The following SPTBN2 variants were observed in gnomAD, a reference collection of about 807,000 sequenced individuals.
SPTBN2 encodes spectrin beta, non-erythrocytic 2.
A neutral mutation model predicts 284.2 loss-of-function variants in SPTBN2; 107 were observed. The ratio of observed to expected loss-of-function variants is 0.38; its 90% CI spans 0.32 to 0.44. The LOEUF (loss-of-function observed/expected upper bound fraction) is 0.44. Among genes scored for constraint, SPTBN2 ranks in the 20% least tolerant of loss-of-function variants. SPTBN2 has a pLI of 1.00. For missense variants in SPTBN2, 2,569 were observed against 3,287.1 expected, an observed-to-expected ratio of 0.78 and a Z score of 5.34; for synonymous variants, 1,289 against 1,354.8, an observed-to-expected ratio of 0.95 and a Z score of 1.07.
intron 3 of SPTBN2, among the ~76,000 whole-genome samples, chr11:66,720,521 C>A (rs1942346802): frequency 6.6e-6 from 1 of 152,178 alleles, no homozygotes; most frequent in South Asian, 2.1e-4. Context: ...GGAGCCAAGG[C>A]AGGCAGAGAG....
chr11:66,701,718 G>C lies in SPTBN2; in HGVS notation c.2682C>G (p.Phe894Leu). 1 of 1,614,044 alleles carries C rather than the reference G, an allele frequency of 6.2e-7. No homozygotes were observed. Among genetic ancestry groups the C allele is most frequent in the Non-Finnish European group, 8.5e-7 (1 of 1,180,022 alleles). The change falls in exon 16 of 38, where the codon TTC becomes TTG. Residue 894 changes from phenylalanine to leucine, a missense_variant. Physicochemically the swap from Phe to Leu is conservative, Grantham distance 22 (BLOSUM62 0). Around this residue, in one of 6 missense-constraint regions of SPTBN2, gnomAD observed 1,012 missense variants for 1,248.9 expected, o/e 0.81. Coordinates refer to ENST00000533211, the MANE Select transcript of SPTBN2 (RefSeq NM_006946.4). Reference protein sequence around the residue: ...LEDLEVVQQRFETLEPEMNTL... With the variant: ...LEDLEVVQQRLETLEPEMNTL... Reference sequence around the variant, plus strand: ...TGTTCATTTCAGGCTCCAGGGTCTCGAACCTGAGAGGGTGGAAGAGCCAGG... The same window carrying C: ...TGTTCATTTCAGGCTCCAGGGTCTCCAACCTGAGAGGGTGGAAGAGCCAGG...
chr11:66,688,510 G>T, intron 31 of SPTBN2, 143 bp downstream of exon 31: 1 of 1,453,856 alleles, frequency 6.9e-7, no homozygotes, highest in Non-Finnish European at 9.3e-7. Flanking sequence ...CCTCCTAAAG[G>T]TGTGGTGACA....
rs776135148 is a variant in SPTBN2 at position 66,693,248 on chromosome 11, C to T, written c.4792G>A (p.Ala1598Thr). 1.9e-6 allele frequency: 3 copies of T among 1,614,056 alleles called. No individual in the cohort carries two copies. The highest frequency in any genetic ancestry group is 2.5e-6 in the Non-Finnish European group (3 of 1,180,048). ...LRAQQFYRDA[A>T]EAEAWMGEQE... Reference sequence around the variant, plus strand: ...TCGCCCATCCAGGCCTCCGCCTCGGCGGCATCGCGGTAGAACTGCTGGGCT... The same window carrying T: ...TCGCCCATCCAGGCCTCCGCCTCGGTGGCATCGCGGTAGAACTGCTGGGCT... Residue 1598 changes from alanine to threonine, a missense_variant, in exon 24 of 38, where the codon GCC becomes ACC. Ala to Thr is a moderately conservative substitution (Grantham distance 58). Transcript: ENST00000533211. This position sits in a 1 kb window ranked among gnomAD's most constrained non-coding sequence, Gnocchi z 5.7.
Position 66,708,634 on chromosome 11 carries a change from TA to T in SPTBN2, c.1191+267del, listed in dbSNP as rs1407700933. 6.6e-6 allele frequency among the ~76,000 whole-genome samples: 1 copy of T among 152,214 alleles called. No homozygotes were observed. Among genetic ancestry groups the T allele is most frequent in the African/African-American group, 2.4e-5 (1 of 41,448 alleles). On this transcript the variant is annotated intron_variant, in intron 11 of 37. Transcript: ENST00000533211. This position sits in a 1 kb window ranked among gnomAD's most constrained non-coding sequence, Gnocchi z 4.4. ...AGGGATAGTGAGTTGGGGACAGGTT[TA>T]ACAAGCTGAGGAACTTGGGGCATAA...
At chr11:66,719,030 G>A (rs1942274791) in intron 3 of SPTBN2, among the ~76,000 whole-genome samples, 1 of 152,246 alleles carries the variant, frequency 6.6e-6, no homozygotes, top group Non-Finnish European at 1.5e-5. Context: ...GCAAACTCCT[G>A]TTTCCCAGAG....
chr11:66,701,615 T>C lies in SPTBN2; in HGVS notation c.2785A>G (p.Ile929Val), dbSNP rs1452131831. ...TTGAGCTGCTCCTGGGTGTTGACAA[T>C]GCGGTCTTTGCCTGGGGGGTTGGCC... ...LKANPPGKDR[I>V]VNTQEQLNHR... The change falls in exon 16 of 38, where the codon ATT becomes GTT. Residue 929 changes from isoleucine to valine, a missense_variant. Ile to Val is a conservative substitution (Grantham distance 29). Transcript: ENST00000533211. 6 of 1,614,008 alleles carry C rather than the reference T, an allele frequency of 3.7e-6. No homozygotes were observed. The highest frequency in any genetic ancestry group is 1.3e-5 in the African/African-American group (1 of 74,910).
Position 66,689,150 on chromosome 11 carries a change from G to A in SPTBN2, c.5980C>T (p.Arg1994Trp), listed in dbSNP as rs140000699. Residue 1994 changes from arginine to tryptophan, a missense_variant, in exon 30 of 38, where the codon CGG becomes TGG. Coordinates refer to ENST00000533211, the MANE Select transcript of SPTBN2 (RefSeq NM_006946.4). The stretch of plus-strand genomic sequence containing the variant: ...CACTTCTCAGCTGTCTCCTGGCGCC[G>A]TGCCTGCAGCTGAGACAGCTTCTCT... ...ISEKLSQLQA[R>W]RQETAEKWQE... 3.0e-4 allele frequency: 480 copies of A among 1,609,648 alleles called. No individual in the cohort carries two copies. The African/African-American group carries it at 4.0e-3, about 13-fold the overall frequency.
rs1554977664 is a variant in SPTBN2, at chr11:66,690,127, C to T, written c.5722G>A (p.Asp1908Asn). The change falls in exon 28 of 38, where the codon GAC (aspartate) becomes AAC (asparagine). Residue 1908 changes from aspartate to asparagine, a missense_variant. Asp to Asn is a conservative substitution (Grantham distance 23). Transcript: ENST00000533211. ...ARRQLLLDTTDKFRFFKAVRE... is the reference protein window; with the variant it reads ...ARRQLLLDTTNKFRFFKAVRE... ...ACAGCCTTGAAGAAGCGGAACTTGTCTGTGGTGTCCAGCAGCAGCTGCCGG... is the reference window on the plus strand; with the variant it reads ...ACAGCCTTGAAGAAGCGGAACTTGTTTGTGGTGTCCAGCAGCAGCTGCCGG... 1.2e-6 allele frequency: 2 copies of T among 1,614,258 alleles called. No homozygotes were observed. Among genetic ancestry groups the T allele is most frequent in the Admixed American group, 3.3e-5 (2 of 60,028 alleles).
chr11:66,722,555 G>A (rs1431691643), intron 1 of SPTBN2, among the ~76,000 whole-genome samples: 33 of 140,170 alleles, frequency 2.4e-4, no homozygotes, highest in East Asian at 2.1e-3. Flanking sequence ...CAGCCTGGGC[G>A]GCAGAATGAG....
intron 1 of SPTBN2, among the ~76,000 whole-genome samples, chr11:66,740,138 G>A (rs1363733649): frequency 6.6e-6 from 1 of 152,204 alleles, no homozygotes; most frequent in Non-Finnish European, 1.5e-5. Flanking sequence ...GAAATCTCCT[G>A]GGCTGGCCCA....
At chr11:66,702,660 C>T (rs1463362976) in intron 15 of SPTBN2, among the ~76,000 whole-genome samples, 3 of 151,174 alleles carry the variant, frequency 2.0e-5, no homozygotes, top group Non-Finnish European at 2.9e-5. Flanking sequence ...ATTTACAGAC[C>T]GGGCATGGTG....
In SPTBN2 at chr11:66,684,864, G is replaced by A. The variant is rs1940010802; in HGVS notation, c.*1007C>T. On this transcript the variant is annotated 3_prime_UTR_variant, in exon 38 of 38. Transcript: ENST00000533211. ...GCTCAGCTTTCCACCACTGGGCTGA[G>A]CAGTGGCTGAGACTGGCTGGGGCTG... Among the ~76,000 whole-genome samples the A allele has an allele frequency of 6.6e-6, 1 of 152,146 alleles. No homozygotes were observed. Among genetic ancestry groups the A allele is most frequent in the African/African-American group, 2.4e-5 (1 of 41,422 alleles).
chr11:66,691,610 C>T lies in SPTBN2; in HGVS notation c.5239G>A (p.Gly1747Ser), dbSNP rs745723069. ...TTGGCGCTATCTACGCGCTCCTGAC[C>T]GATGGTGCTTGTGTCCCGGGAGAAC... ...REFSRDTSTIGQERVDSANAL... is the reference protein window; with the variant it reads ...REFSRDTSTISQERVDSANAL... The change falls in exon 27 of 38, where the codon GGT becomes AGT. Residue 1747 changes from glycine to serine, a missense_variant. Around this residue, in one of 6 missense-constraint regions of SPTBN2, gnomAD observed 1,130 missense variants for 1,317.3 expected, o/e 0.86. Transcript: ENST00000533211. The surrounding 1 kb of genome is among the most constrained non-coding windows in gnomAD (Gnocchi z 8.0). 9 of 1,613,860 alleles carry T rather than the reference C, an allele frequency of 5.6e-6. No homozygotes were observed. The highest frequency in any genetic ancestry group is 4.5e-5 in the East Asian group (2 of 44,886).
Position 66,718,264 on chromosome 11 carries a change from C to A in SPTBN2, c.158-2283G>T, listed in dbSNP as rs1942233878. Among the ~76,000 whole-genome samples, 1 of 152,234 alleles carries A rather than the reference C, an allele frequency of 6.6e-6. No homozygotes were observed. The highest frequency in any genetic ancestry group is 6.5e-5 in the Admixed American group (1 of 15,288). The stretch of plus-strand genomic sequence containing the variant: ...AAGCCTTTCCCCATTCCGTTGACAT[C>A]TGTGTATTTTCCGGCCTCTTGTAAT... On this transcript the variant is annotated intron_variant, in intron 3 of 37. Coordinates refer to ENST00000533211, the MANE Select transcript of SPTBN2 (RefSeq NM_006946.4). The surrounding 1 kb of genome is among the most constrained non-coding windows in gnomAD (Gnocchi z 4.8).
At chr11:66,738,685 T>G (rs998037897) in intron 1 of SPTBN2, among the ~76,000 whole-genome samples, 2 of 151,988 alleles carry the variant, frequency 1.3e-5, no homozygotes, top group African/African-American at 4.8e-5. Flanking sequence ...CCGGCTAATT[T>G]TTGTATTTTT....
At position 66,718,568 on chromosome 11, in the gene SPTBN2, C is replaced by A. The variant is rs190415299; in HGVS notation, c.157+2516G>T. ...TTCCACAGCCTCATAGTAAAACTCG[C>A]TGGCCTCATGCAGGCCGTTCCCGTG... On this transcript the variant is annotated intron_variant, in intron 3 of 37. Coordinates refer to ENST00000533211, the MANE Select transcript of SPTBN2 (RefSeq NM_006946.4). The surrounding 1 kb of genome is among the most constrained non-coding windows in gnomAD (Gnocchi z 4.8). 6.6e-6 allele frequency among the ~76,000 whole-genome samples: 1 copy of A among 152,356 alleles called. No individual in the cohort carries two copies. The highest frequency in any genetic ancestry group is 1.9e-4 in the East Asian group (1 of 5,176).
chr11:66,697,943 T>C (rs1053756855), intron 20 of SPTBN2, among the ~76,000 whole-genome samples: 2 of 152,208 alleles, frequency 1.3e-5, no homozygotes, highest in African/African-American at 4.8e-5. Flanking sequence ...CCAACCATCA[T>C]GCCCTTGAGA....
At chr11:66,686,966 TC>T in intron 36 of SPTBN2, 27 bp downstream of exon 36, 1 of 1,613,168 alleles carries the variant, frequency 6.2e-7, no homozygotes, top group South Asian at 1.1e-5. Context: ...TCTCCTCCCA[TC>T]CCGAGAGCAC....
intron 1 of SPTBN2, among the ~76,000 whole-genome samples, chr11:66,724,358 G>C (rs1336798901): frequency 1.3e-5 from 2 of 152,180 alleles, no homozygotes; most frequent in Non-Finnish European, 1.5e-5. Flanking sequence ...AGGAGGTGGA[G>C]GTTGCAGTGA....
Sources: gnomAD v4.1 joint callset for allele counts (sites outside exome capture counted in the v4.1 genomes callset) on GRCh38, gnomAD v4.1.1 for gene constraint, gnomAD v4.1.1 regional missense constraint, Gnocchi (gnomAD v3.1) non-coding constraint, MANE v1.5 for transcripts, NCBI Gene and HGNC (gene_info 2026-07-23, HGNC 2026-07-21) for gene names.